GRIK4: variants seen among roughly 807,000 people sequenced by gnomAD.
The protein encoded by GRIK4 is glutamate receptor ionotropic, kainate 4.
GRIK4 carries 40 observed loss-of-function variants against 104.9 expected under a neutral mutation model. That is an observed-to-expected ratio of 0.38 (90% CI 0.30 to 0.50). The LOEUF (loss-of-function observed/expected upper bound fraction) is 0.50. Among genes scored for constraint, GRIK4 ranks in the 20% least tolerant of loss-of-function variants. The pLI, the probability that GRIK4 is intolerant of heterozygous loss-of-function variation, is 0.93. For missense variants in GRIK4, 1,047 were observed against 1,308.1 expected (o/e 0.80, Z 3.08); for synonymous variants, 485 against 524.9 (o/e 0.92, Z 1.04).
intron 13 of GRIK4, among the ~76,000 whole-genome samples, chr11:120,921,197 C>T (rs1943220663): frequency 6.6e-6 from 1 of 152,166 alleles, no homozygotes; most frequent in African/African-American, 2.4e-5. Context: ...TGTCTAAAAC[C>T]ACCTTGCTTA....
chr11:120,542,869 A>T (rs1948051093), intron 1 of GRIK4, among the ~76,000 whole-genome samples: 1 of 152,268 alleles, frequency 6.6e-6, no homozygotes, highest in Admixed American at 6.5e-5. Flanking sequence ...GACTGTAAAG[A>T]GGAAACTGAA....
chr11:120,888,727 C>T (rs1316895229), intron 11 of GRIK4, among the ~76,000 whole-genome samples: 2 of 152,122 alleles, frequency 1.3e-5, no homozygotes, highest in Non-Finnish European at 2.9e-5. Flanking sequence ...CATAAACATC[C>T]ATCTATATGT....
At chr11:120,584,998 C>A (rs1480949843) in intron 1 of GRIK4, among the ~76,000 whole-genome samples, 1 of 152,114 alleles carries the variant, frequency 6.6e-6, no homozygotes, top group Non-Finnish European at 1.5e-5. Flanking sequence ...ATGTGTTCAT[C>A]CAGGATATTG....
At chr11:120,824,504 T>C (rs1953203856) in intron 6 of GRIK4, among the ~76,000 whole-genome samples, 2 of 151,918 alleles carry the variant, frequency 1.3e-5, no homozygotes, top group African/African-American at 4.8e-5. Context: ...CCTGCTATCT[T>C]CCTACATGTC....
At chr11:120,556,540 G>T (rs1948187642) in intron 1 of GRIK4, among the ~76,000 whole-genome samples, 1 of 152,026 alleles carries the variant, frequency 6.6e-6, no homozygotes, top group Non-Finnish European at 1.5e-5. Flanking sequence ...ACTCCAGAGG[G>T]GTGCGTTTAG....
intron 2 of GRIK4, among the ~76,000 whole-genome samples, chr11:120,657,273 C>G: frequency 6.6e-6 from 1 of 152,184 alleles, no homozygotes; most frequent in East Asian, 1.9e-4. Context: ...GACAGAAAAT[C>G]ACTGAATAAT....
chr11:120,769,678 A>C (rs1445143234), intron 3 of GRIK4, among the ~76,000 whole-genome samples: 1 of 152,222 alleles, frequency 6.6e-6, no homozygotes, highest in African/African-American at 2.4e-5. Flanking sequence ...TACACTAATA[A>C]GAGCTCATTC....
chr11:120,788,831 T>C (rs1474229220), intron 3 of GRIK4, among the ~76,000 whole-genome samples: 4 of 151,780 alleles, frequency 2.6e-5, no homozygotes, highest in Admixed American at 2.6e-4. Flanking sequence ...CCAGACCGGC[T>C]GCTTGGCTCT....
chr11:120,645,303 G>A (rs1002160617), intron 1 of GRIK4, among the ~76,000 whole-genome samples: 7 of 152,354 alleles, frequency 4.6e-5, no homozygotes, highest in Middle Eastern at 3.4e-3. Context: ...CCCAGCCTGT[G>A]CCGGGTGACT....
chr11:120,573,653 A>G (rs992505289), intron 1 of GRIK4, among the ~76,000 whole-genome samples: 6 of 152,218 alleles, frequency 3.9e-5, no homozygotes, highest in East Asian at 1.9e-4. Flanking sequence ...GGCAAGACAC[A>G]TGGGGAAAAC....
At chr11:120,946,185 C>T (rs1271691143) in intron 14 of GRIK4, among the ~76,000 whole-genome samples, 1 of 152,200 alleles carries the variant, frequency 6.6e-6, no homozygotes, top group African/African-American at 2.4e-5. Flanking sequence ...AGTTTTCTGT[C>T]TCTTTTTTTC....
intron 1 of GRIK4, among the ~76,000 whole-genome samples, chr11:120,590,165 C>G (rs766051668): frequency 6.6e-6 from 1 of 152,172 alleles, no homozygotes; most frequent in African/African-American, 2.4e-5. Context: ...AGAGCCTTCA[C>G]CTTACCCCTG....
chr11:120,712,685 C>G (rs1054007184), intron 3 of GRIK4, among the ~76,000 whole-genome samples: 1 of 151,886 alleles, frequency 6.6e-6, no homozygotes, highest in Non-Finnish European at 1.5e-5. Flanking sequence ...ACTGCCTGGT[C>G]GTCAGTTTTT....
chr11:120,529,505 G>A (rs115378293), intron 1 of GRIK4, among the ~76,000 whole-genome samples: 4,803 of 152,232 alleles, frequency 0.032, 242 homozygotes, highest in African/African-American at 0.11. Flanking sequence ...TTTGCACAGC[G>A]CTGGGTTCCT....
chr11:120,519,776 A>C (rs1947773444), intron 1 of GRIK4, among the ~76,000 whole-genome samples: 1 of 151,282 alleles, frequency 6.6e-6, no homozygotes, highest in African/African-American at 2.4e-5. Flanking sequence ...GTGTGCATGC[A>C]TGCATGCTTG....
At chr11:120,589,520 A>G (rs1307706160) in intron 1 of GRIK4, among the ~76,000 whole-genome samples, 2 of 152,184 alleles carry the variant, frequency 1.3e-5, no homozygotes, top group East Asian at 3.9e-4. Flanking sequence ...GTGTCTCACT[A>G]TAGCAGTCGA....
At chr11:120,899,076 A>G (rs1942662878) in intron 12 of GRIK4, among the ~76,000 whole-genome samples, 1 of 152,140 alleles carries the variant, frequency 6.6e-6, no homozygotes. Context: ...GTGGGTTTAC[A>G]TGGTCTGTTT....
At chr11:120,911,854 AAAAAG>A (rs1377051379) in intron 13 of GRIK4, among the ~76,000 whole-genome samples, 3 of 151,388 alleles carry the variant, frequency 2.0e-5, no homozygotes, top group African/African-American at 7.3e-5. Context: ...AAAAAAAAAA[AAAAAG>A]AAAAGAAAAG....
intron 3 of GRIK4, among the ~76,000 whole-genome samples, chr11:120,700,264 C>CTT (rs34617192): frequency 1.9e-4 from 23 of 118,232 alleles, no homozygotes; most frequent in Non-Finnish European, 2.8e-4. Flanking sequence ...TATATTACTA[C>CTT]TTTTTTTTTT....
Sources: allele counts gnomAD v4.1 joint callset (sites outside exome capture counted in the v4.1 genomes callset), GRCh38; gene constraint gnomAD v4.1.1; transcripts MANE v1.5; gene names NCBI Gene and HGNC (gene_info 2026-07-23, HGNC 2026-07-21).